The following ZMYND11 variants were observed in gnomAD, a reference collection of about 807,000 sequenced individuals.
ZMYND11 encodes zinc finger MYND-type containing 11.
Under a neutral mutation model 84.9 loss-of-function variants are expected in ZMYND11, and 9 were observed. That is an observed-to-expected ratio of 0.11 (90% CI 0.06 to 0.18). The LOEUF (loss-of-function observed/expected upper bound fraction) is 0.18, where lower values mean the gene tolerates loss of function less well. Ranked by LOEUF, ZMYND11 falls within the 10% of genes least tolerant of loss-of-function variation. The pLI is 1.00. For synonymous variants in ZMYND11, 250 were observed against 244.1 expected (o/e 1.02, Z -0.23); for missense variants, 409 against 761.0 (o/e 0.54, Z 5.44).
intron 1 of ZMYND11, among the ~76,000 whole-genome samples, chr10:147,611 C>T (rs1292799959): frequency 1.3e-5 from 2 of 149,970 alleles, no homozygotes; most frequent in African/African-American, 4.9e-5. Context: ...AGAATCAGAT[C>T]CATGAAGTTC....
intron 2 of ZMYND11, among the ~76,000 whole-genome samples, chr10:205,366 G>A (rs184718406): frequency 6.6e-6 from 1 of 152,008 alleles, no homozygotes; most frequent in East Asian, 1.9e-4. Context: ...ATTAGATTAG[G>A]TAATGATACC....
At chr10:148,915 A>G (rs1839581683) in intron 1 of ZMYND11, among the ~76,000 whole-genome samples, 1 of 152,232 alleles carries the variant, frequency 6.6e-6, no homozygotes, top group Non-Finnish European at 1.5e-5. Flanking sequence ...TTTCTTAAAT[A>G]TACATAATTT....
At chr10:222,395 A>G (rs537444561) in intron 4 of ZMYND11, among the ~76,000 whole-genome samples, 4 of 152,200 alleles carry the variant, frequency 2.6e-5, no homozygotes, top group Non-Finnish European at 5.9e-5. Flanking sequence ...TTGGGATAGC[A>G]TTTTAAAAAA....
intron 2 of ZMYND11, among the ~76,000 whole-genome samples, chr10:205,868 A>G (rs578210890): frequency 6.6e-6 from 1 of 151,904 alleles, no homozygotes; most frequent in African/African-American, 2.4e-5. Context: ...TAATTTCACC[A>G]TGATTAACAA....
In ZMYND11 at chr10:252,259, A is replaced by C; in HGVS notation, c.1687-89A>C. ...AAGGTTGAGCCAGAAAGATCTTTTA[A>C]AAGCACCACCTCAAGAGTTTGCCAT... is the stretch of plus-strand genomic sequence containing the variant. On this transcript the variant is annotated intron_variant, in intron 14 of 14. Transcript: ENST00000381604. This position sits in a 1 kb window ranked among gnomAD's most constrained non-coding sequence, Gnocchi z 4.6. The C allele has an allele frequency of 6.8e-7, 1 of 1,475,772 alleles. No homozygotes were observed. The highest frequency in any genetic ancestry group is 9.2e-7 in the Non-Finnish European group (1 of 1,085,094). 91.4% of individuals were successfully genotyped at this position (1,475,772 alleles called of 1,614,324 possible). A position where few individuals can be genotyped will look rare whatever the true frequency, so the allele number is the denominator to read the frequency against.
intron 3 of ZMYND11, among the ~76,000 whole-genome samples, chr10:211,243 G>GA (rs529366320): frequency 1.5e-3 from 221 of 145,532 alleles, no homozygotes; most frequent in African/African-American, 4.4e-3. Context: ...TTCTTAAAAA[G>GA]AAAAAAAAAA....
At chr10:181,267 A>G (rs1277990651) in intron 2 of ZMYND11, among the ~76,000 whole-genome samples, 2 of 152,246 alleles carry the variant, frequency 1.3e-5, no homozygotes, top group Non-Finnish European at 2.9e-5. Flanking sequence ...TTAATAAGTA[A>G]TATATTGAGT....
chr10:197,642 T>C (rs1431727133), intron 2 of ZMYND11, among the ~76,000 whole-genome samples: 1 of 152,228 alleles, frequency 6.6e-6, no homozygotes, highest in African/African-American at 2.4e-5. Context: ...AGGTAAAGTG[T>C]AGCTACTTCT....
At chr10:211,854 T>C (rs956798810) in intron 3 of ZMYND11, among the ~76,000 whole-genome samples, 1 of 152,178 alleles carries the variant, frequency 6.6e-6, no homozygotes, top group Non-Finnish European at 1.5e-5. Context: ...CAAGACATAA[T>C]AAAAGTAATG....
In ZMYND11 at chr10:135,710, T is replaced by G. The variant is rs1835817994; in HGVS notation, c.-20+151T>G. Among the ~76,000 whole-genome samples the G allele has an allele frequency of 2.1e-5, 3 of 144,406 alleles. No homozygotes were observed. The South Asian group carries it at 6.4e-4, about 31-fold the overall frequency. The allele number at this position is 144,406 out of a possible 152,430, so 94.7% of individuals were successfully genotyped here. ...GGTCGCTCGCCCGCTCGCGAAGAGC[T>G]CCGAGCTGCCGGGGAGCTTTGTGGA... On this transcript the variant is annotated intron_variant, in intron 1 of 14. Transcript: ENST00000381604. The surrounding 1 kb of genome is among the most constrained non-coding windows in gnomAD (Gnocchi z 5.6).
chr10:215,925 T>A (rs1387236053), intron 3 of ZMYND11, among the ~76,000 whole-genome samples: 3 of 152,160 alleles, frequency 2.0e-5, no homozygotes, highest in Admixed American at 2.0e-4. Flanking sequence ...TGACACATAT[T>A]AAAACAGCAT....
At chr10:144,161 G>T (rs1430245627) in intron 1 of ZMYND11, among the ~76,000 whole-genome samples, 2 of 152,096 alleles carry the variant, frequency 1.3e-5, no homozygotes, top group African/African-American at 4.8e-5. Context: ...CTTTCTCTCT[G>T]CTCATGCTGA....
intron 1 of ZMYND11, among the ~76,000 whole-genome samples, chr10:178,254 C>T (rs989402735): frequency 8.5e-5 from 13 of 152,110 alleles, no homozygotes; most frequent in East Asian, 5.8e-4. Context: ...TGGCAAGGGT[C>T]GCCGTTTATA....
chr10:142,473 T>G (rs1287904710), intron 1 of ZMYND11, among the ~76,000 whole-genome samples: 1 of 152,150 alleles, frequency 6.6e-6, no homozygotes, highest in African/African-American at 2.4e-5. Flanking sequence ...AGAGGCGTCA[T>G]GAGGGATGTG....
chr10:247,582 T>A (rs1301349862), intron 12 of ZMYND11, 116 bp downstream of exon 12: 2 of 1,116,904 alleles, frequency 1.8e-6, no homozygotes, highest in East Asian at 5.2e-5. Context: ...ACTTGTGAAA[T>A]TCAGCTGCTG....
intron 2 of ZMYND11, among the ~76,000 whole-genome samples, chr10:200,205 G>GGTGTGTGTGT (rs71374347): frequency 0.016 from 2,143 of 132,400 alleles, 51 homozygotes; most frequent in African/African-American, 0.039. Flanking sequence ...GCCTGGCTAG[G>GGTGTGTGTGT]GTGTGTGTGT....
chr10:247,525 T>C (rs1460253951), intron 12 of ZMYND11, 59 bp downstream of exon 12: 35 of 1,544,142 alleles, frequency 2.3e-5, no homozygotes, highest in Non-Finnish European at 2.8e-5. Flanking sequence ...ATTTTCAAAG[T>C]ATTTTGTATT....
chr10:138,734 G>T, intron 1 of ZMYND11, among the ~76,000 whole-genome samples: 1 of 149,400 alleles, frequency 6.7e-6, no homozygotes. Flanking sequence ...TTACCTTTCA[G>T]CAAAGAGGAT....
At chr10:143,475 T>C (rs527378420) in intron 1 of ZMYND11, among the ~76,000 whole-genome samples, 1 of 152,338 alleles carries the variant, frequency 6.6e-6, no homozygotes, top group Admixed American at 6.5e-5. Context: ...CATGGAGCCC[T>C]TCCTCAATTA....
Sources: gnomAD v4.1 joint callset for allele counts (sites outside exome capture counted in the v4.1 genomes callset) on GRCh38, gnomAD v4.1.1 for gene constraint, Gnocchi (gnomAD v3.1) non-coding constraint, MANE v1.5 for transcripts, NCBI Gene and HGNC (gene_info 2026-07-23, HGNC 2026-07-21) for gene names.